CAPZA2: variants seen among roughly 807,000 people sequenced by gnomAD.
CAPZA2 encodes the protein capping actin protein of muscle Z-line subunit alpha 2.
Under a neutral mutation model 44.0 loss-of-function variants are expected in CAPZA2, and 13 were observed. The ratio of observed to expected loss-of-function variants is 0.30; its 90% CI spans 0.19 to 0.47. The LOEUF (loss-of-function observed/expected upper bound fraction) is 0.47. Among genes scored for constraint, CAPZA2 ranks in the 20% least tolerant of loss-of-function variants. The pLI is 1.00. For missense variants in CAPZA2, 244 were observed against 338.6 expected (o/e 0.72, Z 2.19); for synonymous variants, 94 against 108.2 (o/e 0.87, Z 0.81).
chr7:116,917,415 C>T (rs1057514416), intron 9 of CAPZA2, among the ~76,000 whole-genome samples: 7 of 152,230 alleles, frequency 4.6e-5, no homozygotes, highest in East Asian at 1.9e-4. Flanking sequence ...CCACCATGCC[C>T]GACTAATTTT....
chr7:116,888,440 A>G (rs1333729235), intron 2 of CAPZA2: 2 of 346,168 alleles, frequency 5.8e-6, no homozygotes, highest in Non-Finnish European at 1.0e-5. Context: ...TGACTAGAAT[A>G]TATCCTCATT....
chr7:116,904,472 G>A, intron 5 of CAPZA2, 89 bp downstream of exon 5: 1 of 754,052 alleles, frequency 1.3e-6, no homozygotes, highest in South Asian at 1.8e-5. Context: ...TTACAGAATT[G>A]ACATTGTATA....
intron 1 of CAPZA2, among the ~76,000 whole-genome samples, chr7:116,885,601 A>C (rs1796752378): frequency 6.6e-6 from 1 of 152,190 alleles, no homozygotes; most frequent in South Asian, 2.1e-4. Flanking sequence ...CTGACTGACC[A>C]GCTATAGATC....
At chr7:116,887,156 G>C (rs559133944) in intron 1 of CAPZA2, among the ~76,000 whole-genome samples, 2 of 152,068 alleles carry the variant, frequency 1.3e-5, no homozygotes, top group African/African-American at 4.8e-5. Flanking sequence ...ATGCCTAAAT[G>C]CGTCTTGTCT....
intron 1 of CAPZA2, among the ~76,000 whole-genome samples, chr7:116,873,250 C>T (rs1585001594): frequency 6.6e-6 from 1 of 151,956 alleles, no homozygotes; most frequent in Admixed American, 6.6e-5. Flanking sequence ...AGTGCAGGGT[C>T]CTTTGCTTCT....
In CAPZA2 at chr7:116,881,663, C is replaced by A. The variant is rs552910738; in HGVS notation, c.40-6464C>A. Among the ~76,000 whole-genome samples, 1,209 of 144,064 alleles carry A rather than the reference C, an allele frequency of 8.4e-3. 15 individuals are homozygous for A. Among genetic ancestry groups the A allele is most frequent in the African/African-American group, 0.029 (1,143 of 38,972 alleles). 94.5% of individuals were successfully genotyped at this position (144,064 alleles called of 152,430 possible). A position where few individuals can be genotyped will look rare whatever the true frequency, so the allele number is the denominator to read the frequency against. On this transcript the variant is annotated intron_variant, in intron 1 of 9. Transcript: ENST00000361183. ...CTGAGGCAGGAGAATGGCATGAACC[C>A]GGGAGGCAGAGCTTGCAGTGAGCCA...
At chr7:116,887,893 ATCTT>A (rs1197445632) in intron 1 of CAPZA2, among the ~76,000 whole-genome samples, 6 of 152,348 alleles carry the variant, frequency 3.9e-5, no homozygotes, top group Admixed American at 6.5e-5. Context: ...GCAGCTTTGA[ATCTT>A]TATTCATTCA....
chr7:116,884,746 A>G (rs1363905047), intron 1 of CAPZA2, among the ~76,000 whole-genome samples: 6 of 152,242 alleles, frequency 3.9e-5, no homozygotes, highest in Admixed American at 1.3e-4. Context: ...ATAAGTTTGC[A>G]TTTCTGAAGG....
chr7:116,865,305 C>T (rs545106762), intron 1 of CAPZA2, among the ~76,000 whole-genome samples: 1 of 150,340 alleles, frequency 6.7e-6, no homozygotes, highest in East Asian at 2.0e-4. Context: ...TCTGCCTCAG[C>T]CTCCCGAGTA....
intron 6 of CAPZA2, among the ~76,000 whole-genome samples, chr7:116,908,403 A>G (rs1400703204): frequency 1.3e-5 from 2 of 152,224 alleles, no homozygotes; most frequent in African/African-American, 4.8e-5. Flanking sequence ...AGGATCTAGC[A>G]GTATTAGGGG....
chr7:116,908,236 G>C (rs1010715400), intron 6 of CAPZA2, among the ~76,000 whole-genome samples: 33 of 151,934 alleles, frequency 2.2e-4, no homozygotes, highest in Non-Finnish European at 2.9e-5. Flanking sequence ...ACTTCAGTCT[G>C]GGTGACAAAG....
At position 116,882,522 on chromosome 7, in the gene CAPZA2, G is replaced by A. The variant is rs59435922; in HGVS notation, c.40-5605G>A. ...TAAGCCCATAAGAAAAACAAGATAC[G>A]AAAAAATATTGTTTGACAGTAATAC... On this transcript the variant is annotated intron_variant, in intron 1 of 9. Coordinates refer to ENST00000361183, the MANE Select transcript of CAPZA2 (RefSeq NM_006136.3). Among the ~76,000 whole-genome samples, 232 of 151,950 alleles carry A rather than the reference G, an allele frequency of 1.5e-3. 1 individual carries two copies. Among genetic ancestry groups the A allele is most frequent in the African/African-American group, 4.4e-3 (184 of 41,470 alleles).
At chr7:116,882,505 TAAG>T (rs146182773) in intron 1 of CAPZA2, among the ~76,000 whole-genome samples, 1,757 of 152,190 alleles carry the variant, frequency 0.012, 14 homozygotes, top group Non-Finnish European at 0.017. Context: ...AGTAAGCCCA[TAAG>T]AAAAACAAGA....
intron 1 of CAPZA2, among the ~76,000 whole-genome samples, chr7:116,869,694 G>A (rs941179038): frequency 1.3e-5 from 2 of 152,222 alleles, no homozygotes; most frequent in Non-Finnish European, 2.9e-5. Context: ...GTTGAATGTG[G>A]AGGCTTTGTA....
In CAPZA2 at chr7:116,917,892, T is replaced by C; in HGVS notation, c.*25T>C. 2 of 1,591,888 alleles carry C rather than the reference T, an allele frequency of 1.3e-6. No homozygotes were observed. Among genetic ancestry groups the C allele is most frequent in the Non-Finnish European group, 1.7e-6 (2 of 1,160,354 alleles). On this transcript the variant is annotated 3_prime_UTR_variant, in exon 10 of 10. Coordinates refer to ENST00000361183, the MANE Select transcript of CAPZA2 (RefSeq NM_006136.3). ...AGATGAACATTGCATGACCGGATCA[T>C]TTTAGTGTCTTTGCGTTAAAAAATC...
rs78492442 is a variant in CAPZA2, at chr7:116,895,320, G to A, written c.155+2275G>A. On this transcript the variant is annotated intron_variant, in intron 3 of 9. Coordinates refer to ENST00000361183, the MANE Select transcript of CAPZA2 (RefSeq NM_006136.3). ...TAGTTATACATTTGACTCAAGATAC[G>A]TGAAAGTATGGGACTTTTATTTGTC... 3.7e-3 allele frequency among the ~76,000 whole-genome samples: 560 copies of A among 151,892 alleles called. 5 individuals are homozygous for A. Among genetic ancestry groups the A allele is most frequent in the African/African-American group, 0.013 (541 of 41,396 alleles).
intron 3 of CAPZA2, 49 bp downstream of exon 3, chr7:116,893,094 G>A (rs1299414300): frequency 9.7e-6 from 12 of 1,232,280 alleles, no homozygotes; most frequent in Admixed American, 4.3e-5. Context: ...ATGGGAAAAC[G>A]AGAGATGCTT....
At chr7:116,864,275 GGAGTTAATATA>G (rs1796454217) in intron 1 of CAPZA2, among the ~76,000 whole-genome samples, 1 of 152,052 alleles carries the variant, frequency 6.6e-6, no homozygotes, top group South Asian at 2.1e-4. Flanking sequence ...ACTCGGTGTG[GGAGTTAATATA>G]GACCTGCCAT....
intron 1 of CAPZA2, among the ~76,000 whole-genome samples, chr7:116,880,964 C>T (rs1796691050): frequency 6.6e-6 from 1 of 151,882 alleles, no homozygotes; most frequent in Non-Finnish European, 1.5e-5. Flanking sequence ...CCACCTTGGC[C>T]TCCCAAAGTG....
Sources: allele counts gnomAD v4.1 joint callset (sites outside exome capture counted in the v4.1 genomes callset), GRCh38; gene constraint gnomAD v4.1.1; transcripts MANE v1.5; gene names NCBI Gene and HGNC (gene_info 2026-07-23, HGNC 2026-07-21).